The following EPHB2 variants were observed in gnomAD, a reference collection of about 807,000 sequenced individuals.
The protein encoded by EPHB2 is EPH receptor B2, also known as ephrin type-B receptor 2.
Under a neutral mutation model 96.4 loss-of-function variants are expected in EPHB2, and 18 were observed. The observed-to-expected ratio is 0.19, with a 90% confidence interval of 0.13 to 0.28. The LOEUF (loss-of-function observed/expected upper bound fraction) is 0.28. Ranked by LOEUF, EPHB2 falls within the 10% of genes least tolerant of loss-of-function variation. The pLI is 1.00. For missense variants in EPHB2, 989 were observed against 1,355.4 expected (o/e 0.73, Z 4.25); for synonymous variants, 506 against 534.1 (o/e 0.95, Z 0.72).
intron 14 of EPHB2, among the ~76,000 whole-genome samples, chr1:22,911,214 T>A (rs906798312): frequency 2.0e-5 from 3 of 152,114 alleles, no homozygotes; most frequent in African/African-American, 7.2e-5. Context: ...AGTTCGTGAA[T>A]AGATATGCCT....
intron 1 of EPHB2, among the ~76,000 whole-genome samples, chr1:22,739,078 C>T (rs929558082): frequency 3.3e-5 from 5 of 152,126 alleles, no homozygotes; most frequent in Admixed American, 6.5e-5. Context: ...CTTGCTTTAT[C>T]ACCCAGGCTG....
intron 3 of EPHB2, among the ~76,000 whole-genome samples, chr1:22,832,580 C>T (rs1165692661): frequency 6.6e-6 from 1 of 152,126 alleles, no homozygotes; most frequent in Admixed American, 6.5e-5. Flanking sequence ...AGCCAGGCTA[C>T]GCCACTCTTC....
intron 3 of EPHB2, among the ~76,000 whole-genome samples, chr1:22,795,371 C>T (rs937910196): frequency 5.9e-5 from 9 of 152,228 alleles, no homozygotes; most frequent in Non-Finnish European, 1.3e-4. Context: ...CGCCCAGGCT[C>T]ACTCACCTTA....
intron 3 of EPHB2, among the ~76,000 whole-genome samples, chr1:22,785,446 A>G (rs1460443841): frequency 6.6e-6 from 1 of 152,246 alleles, no homozygotes; most frequent in Admixed American, 6.5e-5. Context: ...ACATTTATAT[A>G]TTAATAAGTT....
chr1:22,757,119 G>A (rs1396231639), intron 1 of EPHB2, among the ~76,000 whole-genome samples: 3 of 152,136 alleles, frequency 2.0e-5, no homozygotes, highest in South Asian at 2.1e-4. Context: ...ATGGTAGGGG[G>A]TGATGGTGGG....
At chr1:22,766,723 G>T (rs970920627) in intron 1 of EPHB2, among the ~76,000 whole-genome samples, 1 of 152,186 alleles carries the variant, frequency 6.6e-6, no homozygotes, top group Admixed American at 6.5e-5. Context: ...AGTGGGATGC[G>T]AGCCAGCGTG....
intron 3 of EPHB2, among the ~76,000 whole-genome samples, chr1:22,792,775 C>A (rs1194248637): frequency 3.3e-5 from 5 of 152,184 alleles, no homozygotes; most frequent in Non-Finnish European, 7.4e-5. Context: ...ACCCCTGCCC[C>A]CAAGGCCCAC....
At position 22,805,480 on chromosome 1, in the gene EPHB2, G is replaced by T. The variant is rs551465000; in HGVS notation, c.811+20404G>T. ...CTGACTCAGGCCCTCCCTTTCAGGA[G>T]CTGACCTCCCTCCCACTGCCTGAGG... On this transcript the variant is annotated intron_variant, in intron 3 of 15. Coordinates refer to ENST00000374630, the MANE Select transcript of EPHB2 (RefSeq NM_017449.5). Among the ~76,000 whole-genome samples, 111 of 152,184 alleles carry T rather than the reference G, an allele frequency of 7.3e-4. 1 individual carries two copies. Among genetic ancestry groups the T allele is most frequent in the Non-Finnish European group, 8.4e-4 (57 of 68,000 alleles).
intron 1 of EPHB2, among the ~76,000 whole-genome samples, chr1:22,764,298 C>G (rs1644275990): frequency 6.6e-6 from 1 of 152,200 alleles, no homozygotes; most frequent in Admixed American, 6.5e-5. Context: ...TTACTGAGTA[C>G]TTACTATAGC....
chr1:22,716,583 C>T (rs1643301597), intron 1 of EPHB2, among the ~76,000 whole-genome samples: 1 of 152,214 alleles, frequency 6.6e-6, no homozygotes, highest in African/African-American at 2.4e-5. Context: ...AAGTGACCCA[C>T]CCACCTTGAC....
chr1:22,866,106 C>A (rs917299225), intron 5 of EPHB2, among the ~76,000 whole-genome samples: 2 of 152,150 alleles, frequency 1.3e-5, no homozygotes, highest in Non-Finnish European at 2.9e-5. Flanking sequence ...AGCCTCATCC[C>A]CCCACCTGAG....
At chr1:22,788,445 T>C in intron 3 of EPHB2, among the ~76,000 whole-genome samples, 1 of 152,236 alleles carries the variant, frequency 6.6e-6, no homozygotes, top group Non-Finnish European at 1.5e-5. Flanking sequence ...TGCTGTGGCC[T>C]GTGCTGCTGT....
At position 22,785,074 on chromosome 1, in the gene EPHB2, G is replaced by T. The variant is rs541921750; in HGVS notation, c.809G>T (p.Arg270Leu). 3 of 1,613,520 alleles carry T rather than the reference G, an allele frequency of 1.9e-6. No homozygotes were observed. The highest frequency in any genetic ancestry group is 2.5e-6 in the Non-Finnish European group (3 of 1,180,042). Residue 270 changes from arginine to leucine, a missense_variant and splice_region_variant, in exon 3 of 16, where the codon CGA (arginine) becomes CTA (leucine). Arg to Leu is a moderately radical substitution (Grantham distance 102, BLOSUM62 -2). Coordinates refer to ENST00000374630, the MANE Select transcript of EPHB2 (RefSeq NM_017449.5). The part of the protein sequence containing the change: ...FEAVENGTVC[R>L]GCPSGTFKAN... ...GCCGTTGAGAATGGCACCGTCTGCC[G>T]AGGTAAGGGCCAGGGTGGGGCACGT... is the stretch of plus-strand genomic sequence containing the variant.
Position 22,717,822 on chromosome 1 carries a change from TG to T in EPHB2, c.61+6784del, listed in dbSNP as rs1389864085. Among the ~76,000 whole-genome samples, 7 of 152,300 alleles carry T rather than the reference TG, an allele frequency of 4.6e-5. 1 individual carries two copies. In the South Asian group the frequency reaches 8.3e-4, roughly 18 times the overall value. The stretch of plus-strand genomic sequence containing the variant: ...CTCCTGTTCTATAAACAGCAGAGCC[TG>T]GGGGTTACAGGAAATGTGTGTGGAG... On this transcript the variant is annotated intron_variant, in intron 1 of 15. Transcript: ENST00000374630.
intron 3 of EPHB2, among the ~76,000 whole-genome samples, chr1:22,802,826 C>A (rs1308104537): frequency 6.6e-6 from 1 of 152,210 alleles, no homozygotes; most frequent in Non-Finnish European, 1.5e-5. Context: ...TGCCCCTGCC[C>A]CTCTAGAAAT....
chr1:22,890,408 C>G (rs944072310), intron 6 of EPHB2, among the ~76,000 whole-genome samples: 1 of 152,144 alleles, frequency 6.6e-6, no homozygotes, highest in African/African-American at 2.4e-5. Flanking sequence ...CTGCCTCCCC[C>G]TGTTATGGGG....
At chr1:22,819,722 A>G (rs941901844) in intron 3 of EPHB2, among the ~76,000 whole-genome samples, 4 of 151,944 alleles carry the variant, frequency 2.6e-5, no homozygotes, top group South Asian at 2.1e-4. Flanking sequence ...TTGCCAATCA[A>G]TTTCCTGGGA....
intron 5 of EPHB2, among the ~76,000 whole-genome samples, chr1:22,868,081 A>G (rs1638538376): frequency 6.6e-6 from 1 of 152,142 alleles, no homozygotes; most frequent in Non-Finnish European, 1.5e-5. Context: ...GAACTCTCCT[A>G]CATCCATTTG....
At chr1:22,755,669 A>C (rs1644137825) in intron 1 of EPHB2, among the ~76,000 whole-genome samples, 1 of 152,216 alleles carries the variant, frequency 6.6e-6, no homozygotes, top group East Asian at 1.9e-4. Flanking sequence ...ACTTCACTGC[A>C]AAGTGCCTCG....
Sources: allele counts gnomAD v4.1 joint callset (sites outside exome capture counted in the v4.1 genomes callset), GRCh38; gene constraint gnomAD v4.1.1; transcripts MANE v1.5; gene names NCBI Gene and HGNC (gene_info 2026-07-23, HGNC 2026-07-21).